TTC28: variants seen among roughly 807,000 people sequenced by gnomAD.
TTC28 encodes the protein tetratricopeptide repeat protein 28.
In TTC28, 61 loss-of-function variants were observed where a neutral mutation model predicts 198.0. The ratio of observed to expected loss-of-function variants is 0.31; its 90% CI spans 0.25 to 0.38. TTC28 has a LOEUF of 0.38. Ranked by LOEUF, TTC28 falls within the 10% of genes least tolerant of loss-of-function variation. The pLI is 1.00. For missense variants in TTC28, 2,678 were observed against 3,164.0 expected (o/e 0.85, Z 3.69); for synonymous variants, 1,171 against 1,297.8 (o/e 0.90, Z 2.10).
intron 2 of TTC28, among the ~76,000 whole-genome samples, chr22:28,393,428 G>C (rs563886635): frequency 3.0e-4 from 45 of 152,084 alleles, no homozygotes; most frequent in Non-Finnish European, 5.9e-4. Context: ...GCGGTGGCTC[G>C]TGCCTGTAAT....
intron 2 of TTC28, among the ~76,000 whole-genome samples, chr22:28,380,454 T>C (rs978795145): frequency 6.6e-6 from 1 of 152,182 alleles, no homozygotes; most frequent in Middle Eastern, 3.4e-3. Flanking sequence ...ATCCAACAAA[T>C]GTAGGAATTT....
At chr22:27,990,855 GAAGA>G (rs1569070400) in intron 19 of TTC28, 43 bp from the exon 20 acceptor site, 7 of 1,536,378 alleles carry the variant, frequency 4.6e-6, no homozygotes, top group Non-Finnish European at 6.1e-6. Flanking sequence ...AAGAGAGAAA[GAAGA>G]GAGTTTAGAC....
chr22:28,231,909 CCTTAAATA>C (rs1928835210), intron 5 of TTC28, among the ~76,000 whole-genome samples: 1 of 152,138 alleles, frequency 6.6e-6, no homozygotes, highest in Admixed American at 6.5e-5. Flanking sequence ...TTGATACAAG[CCTTAAATA>C]CTTAATCTAG....
chr22:28,162,975 A>G, intron 6 of TTC28, 117 bp downstream of exon 6: 3 of 1,303,756 alleles, frequency 2.3e-6, no homozygotes, highest in Non-Finnish European at 3.1e-6. Flanking sequence ...GAGCACACAC[A>G]ATAAGGATAT....
chr22:28,443,699 T>C (rs941754378), intron 2 of TTC28, among the ~76,000 whole-genome samples: 1 of 152,122 alleles, frequency 6.6e-6, no homozygotes, highest in South Asian at 2.1e-4. Flanking sequence ...CAGCCCAGCT[T>C]CAGCCACACA....
chr22:28,579,361 A>G (rs1311470463), intron 2 of TTC28, among the ~76,000 whole-genome samples: 1 of 149,444 alleles, frequency 6.7e-6, no homozygotes, highest in African/African-American at 2.4e-5. Flanking sequence ...ATAACTATAC[A>G]TATGACTACA....
chr22:28,211,679 A>C (rs1239994699), intron 5 of TTC28, among the ~76,000 whole-genome samples: 1 of 152,086 alleles, frequency 6.6e-6, no homozygotes, highest in Non-Finnish European at 1.5e-5. Flanking sequence ...AACAATAATA[A>C]TGAGAGACTT....
intron 2 of TTC28, among the ~76,000 whole-genome samples, chr22:28,614,200 G>A (rs1423519788): frequency 1.3e-5 from 2 of 152,200 alleles, no homozygotes; most frequent in Non-Finnish European, 2.9e-5. Context: ...CACGACTGCT[G>A]CAAAGAGAAT....
intron 5 of TTC28, among the ~76,000 whole-genome samples, chr22:28,247,180 C>T (rs1930166181): frequency 6.6e-6 from 1 of 152,130 alleles, no homozygotes; most frequent in Non-Finnish European, 1.5e-5. Flanking sequence ...AGGGACAACA[C>T]TCAATAAAGA....
intron 2 of TTC28, among the ~76,000 whole-genome samples, chr22:28,590,869 C>T (rs949831241): frequency 4.0e-5 from 6 of 150,372 alleles, no homozygotes; most frequent in African/African-American, 1.2e-4. Flanking sequence ...TTTAGCCAGG[C>T]GTGGTGGTGG....
intron 5 of TTC28, among the ~76,000 whole-genome samples, chr22:28,278,121 G>C (rs2044506398): frequency 6.6e-6 from 1 of 151,876 alleles, no homozygotes; most frequent in South Asian, 2.1e-4. Flanking sequence ...CCCTAATATG[G>C]GTGTAGCATA....
Position 27,982,328 on chromosome 22 carries a change from G to A in TTC28, c.7339C>T (p.Pro2447Ser). The A allele has an allele frequency of 6.5e-7, 1 of 1,532,508 alleles. No homozygotes were observed. The highest frequency in any genetic ancestry group is 8.8e-7 in the Non-Finnish European group (1 of 1,136,238). 94.9% of individuals were successfully genotyped at this position (1,532,508 alleles called of 1,614,324 possible). A position where few individuals can be genotyped will look rare whatever the true frequency, so the allele number is the denominator to read the frequency against. The stretch of plus-strand genomic sequence containing the variant: ...GGGGCTGTGGCGGGAGGGCCGGCGG[G>A]CAGCGGCAGTGAGCCCAGCGAGGTG... ...ETTSLGSLPL[P>S]AGPPATAPAR... Residue 2447 changes from proline to serine, a missense_variant, in exon 23 of 23, where the codon CCC becomes TCC. Pro to Ser is a moderately conservative substitution (Grantham distance 74). This residue lies in a region of TTC28 where 622 missense variants were observed against 656.0 expected (regional missense o/e 0.95). Coordinates refer to ENST00000397906, the MANE Select transcript of TTC28 (RefSeq NM_001145418.2). This position sits in a 1 kb window ranked among gnomAD's most constrained non-coding sequence, Gnocchi z 5.2.
intron 2 of TTC28, among the ~76,000 whole-genome samples, chr22:28,355,476 A>T (rs910429349): frequency 1.3e-5 from 2 of 152,228 alleles, no homozygotes; most frequent in African/African-American, 4.8e-5. Context: ...TGTGTCAAAC[A>T]TCTAATCATG....
intron 1 of TTC28, among the ~76,000 whole-genome samples, chr22:28,647,789 A>G (rs2146255207): frequency 6.6e-6 from 1 of 152,130 alleles, no homozygotes. Flanking sequence ...CAGTGAGCCA[A>G]GATCGAGCCA....
At chr22:28,277,099 C>T (rs1177994192) in intron 5 of TTC28, among the ~76,000 whole-genome samples, 1 of 152,086 alleles carries the variant, frequency 6.6e-6, no homozygotes, top group Non-Finnish European at 1.5e-5. Context: ...TTAGAAAGTT[C>T]TTGCCACTCT....
intron 2 of TTC28, among the ~76,000 whole-genome samples, chr22:28,626,158 T>C (rs930851066): frequency 1.3e-5 from 2 of 151,982 alleles, no homozygotes; most frequent in Non-Finnish European, 2.9e-5. Context: ...TAAAGATAAA[T>C]CAAAGAAAAA....
At chr22:28,110,239 C>G (rs1046686914) in intron 6 of TTC28, among the ~76,000 whole-genome samples, 3 of 152,162 alleles carry the variant, frequency 2.0e-5, no homozygotes, top group African/African-American at 7.2e-5. Context: ...TGCCCTGCCA[C>G]AAGAGTCACA....
intron 5 of TTC28, among the ~76,000 whole-genome samples, chr22:28,271,380 T>G (rs187936203): frequency 1.3e-5 from 2 of 152,182 alleles, no homozygotes; most frequent in African/African-American, 2.4e-5. Context: ...GCACTATAGA[T>G]GAACATAATC....
At chr22:27,991,647 C>T (rs1328602900) in intron 19 of TTC28, among the ~76,000 whole-genome samples, 1 of 152,196 alleles carries the variant, frequency 6.6e-6, no homozygotes, top group East Asian at 1.9e-4. Flanking sequence ...AATTGTTACA[C>T]TCCAAAATGG....
Sources: allele counts gnomAD v4.1 joint callset (sites outside exome capture counted in the v4.1 genomes callset), GRCh38; gene constraint gnomAD v4.1.1; regional missense constraint gnomAD v4.1.1; non-coding constraint Gnocchi (gnomAD v3.1); transcripts MANE v1.5; gene names NCBI Gene and HGNC (gene_info 2026-07-23, HGNC 2026-07-21).